SNX29: variants seen among roughly 807,000 people sequenced by gnomAD.
SNX29 encodes the protein sorting nexin 29, also known as sorting nexin-29.
Under a neutral mutation model 102.1 loss-of-function variants are expected in SNX29, and 78 were observed. That is an observed-to-expected ratio of 0.76 (90% confidence interval 0.64 to 0.92). SNX29 has a LOEUF of 0.92. Among genes scored for constraint, SNX29 ranks in the 40% least tolerant of loss-of-function variants. SNX29 has a pLI of 0.00. For synonymous variants in SNX29, 580 were observed against 414.5 expected (o/e 1.40, Z -4.85); for missense variants, 1,280 against 1,061.7 (o/e 1.21, Z -2.86).
intron 20 of SNX29, among the ~76,000 whole-genome samples, chr16:12,525,881 A>T (rs1266409589): frequency 6.6e-6 from 1 of 152,066 alleles, no homozygotes; most frequent in East Asian, 1.9e-4. Flanking sequence ...CATTGCTGGG[A>T]AACGTCAGGC....
chr16:12,087,578 C>T (rs561104230), intron 11 of SNX29: 2 of 332,504 alleles, frequency 6.0e-6, no homozygotes, highest in African/African-American at 2.1e-5. Context: ...GCCTGGGCAA[C>T]AGAGCAAGAC....
chr16:12,537,517 A>C (rs1057461658), intron 20 of SNX29, among the ~76,000 whole-genome samples: 1 of 152,180 alleles, frequency 6.6e-6, no homozygotes, highest in African/African-American at 2.4e-5. Flanking sequence ...GCTTGTTGGG[A>C]GGATTAAAGG....
chr16:12,148,451 G>A (rs1481793050), intron 13 of SNX29, among the ~76,000 whole-genome samples: 1 of 144,178 alleles, frequency 6.9e-6, no homozygotes, highest in Non-Finnish European at 1.6e-5. Context: ...AGTTTGTTAG[G>A]GAGTTGACGT....
intron 20 of SNX29, chr16:12,557,689 G>A (rs568784086): frequency 5.3e-5 from 8 of 152,336 alleles, no homozygotes; most frequent in African/African-American, 1.9e-4. Flanking sequence ...GAGTGGCAGT[G>A]CAGTAGGCTC....
chr16:12,078,416 A>G (rs1181749725), intron 10 of SNX29, among the ~76,000 whole-genome samples: 1 of 152,198 alleles, frequency 6.6e-6, no homozygotes, highest in East Asian at 1.9e-4. Context: ...TGGAGGTTAC[A>G]GTGAGCCGAG....
chr16:12,050,431 C>A (rs1161629109), intron 7 of SNX29, among the ~76,000 whole-genome samples: 1 of 152,204 alleles, frequency 6.6e-6, no homozygotes, highest in Non-Finnish European at 1.5e-5. Flanking sequence ...AAAACCACTG[C>A]AGTTCGTTAC....
At chr16:11,990,981 G>A (rs2055826161) in intron 1 of SNX29, among the ~76,000 whole-genome samples, 1 of 152,234 alleles carries the variant, frequency 6.6e-6, no homozygotes, top group Non-Finnish European at 1.5e-5. Context: ...CAGTGGCAGA[G>A]TTGGGTAGTG....
At chr16:11,982,650 C>G (rs561309461) in intron 1 of SNX29, among the ~76,000 whole-genome samples, 1 of 151,950 alleles carries the variant, frequency 6.6e-6, no homozygotes, top group Non-Finnish European at 1.5e-5. Context: ...AGGACGGTCT[C>G]GATCTCCTGA....
intron 5 of SNX29, among the ~76,000 whole-genome samples, chr16:12,044,239 C>T (rs1366895001): frequency 1.3e-5 from 2 of 152,298 alleles, no homozygotes; most frequent in Non-Finnish European, 2.9e-5. Flanking sequence ...AGTAGTGTGG[C>T]ATGTTCCCTT....
intron 19 of SNX29, among the ~76,000 whole-genome samples, chr16:12,514,244 C>G (rs1241025757): frequency 6.6e-6 from 1 of 152,222 alleles, no homozygotes; most frequent in Non-Finnish European, 1.5e-5. Flanking sequence ...TTCTCACTCT[C>G]TGGCTTAAAA....
intron 20 of SNX29, among the ~76,000 whole-genome samples, chr16:12,540,255 C>G (rs569976481): frequency 6.6e-6 from 1 of 152,114 alleles, no homozygotes; most frequent in African/African-American, 2.4e-5. Flanking sequence ...CCACCCCCAG[C>G]GTAAGGTCAA....
chr16:12,184,837 G>A (rs184801204), intron 13 of SNX29, among the ~76,000 whole-genome samples: 2 of 152,324 alleles, frequency 1.3e-5, no homozygotes, highest in East Asian at 1.9e-4. Flanking sequence ...GACAGCTTGA[G>A]GGAGTCTTGT....
intron 11 of SNX29, among the ~76,000 whole-genome samples, chr16:12,092,088 C>G (rs913477923): frequency 2.0e-5 from 3 of 152,186 alleles, no homozygotes; most frequent in Non-Finnish European, 4.4e-5. Flanking sequence ...TCCCATCCCC[C>G]CAAGTGCAGC....
At chr16:12,140,306 G>C (rs191639324) in intron 13 of SNX29, among the ~76,000 whole-genome samples, 68 of 152,360 alleles carry the variant, frequency 4.5e-4, no homozygotes, top group African/African-American at 1.6e-3. Flanking sequence ...AACAATGCCA[G>C]TGGGAGGAGA....
chr16:12,468,201 G>T (rs2087157881), intron 18 of SNX29, among the ~76,000 whole-genome samples: 2 of 66,964 alleles, frequency 3.0e-5, no homozygotes, highest in Admixed American at 1.5e-4. Context: ...TTTTTAGGGG[G>T]AGTTTTACTG....
chr16:12,141,754 C>T (rs748567587), intron 13 of SNX29, among the ~76,000 whole-genome samples: 14 of 152,172 alleles, frequency 9.2e-5, no homozygotes, highest in Non-Finnish European at 1.6e-4. Flanking sequence ...GCAGTGAGGA[C>T]GACCAGAGGT....
At chr16:12,532,231 C>G (rs1012054753) in intron 20 of SNX29, among the ~76,000 whole-genome samples, 5 of 152,186 alleles carry the variant, frequency 3.3e-5, no homozygotes, top group Non-Finnish European at 5.9e-5. Flanking sequence ...AAATTGTGTA[C>G]TTTCTGTGAG....
intron 13 of SNX29, among the ~76,000 whole-genome samples, chr16:12,194,333 T>G (rs1173438677): frequency 6.6e-6 from 1 of 152,236 alleles, no homozygotes; most frequent in Non-Finnish European, 1.5e-5. Flanking sequence ...CATTTGACCC[T>G]GTGTTCTGTG....
intron 3 of SNX29, among the ~76,000 whole-genome samples, chr16:12,003,522 T>G (rs1169567316): frequency 6.6e-6 from 1 of 152,196 alleles, no homozygotes; most frequent in East Asian, 1.9e-4. Context: ...AAGGCATATG[T>G]TATAACAAGA....
Sources: gnomAD v4.1 joint callset for allele counts (sites outside exome capture counted in the v4.1 genomes callset) on GRCh38, gnomAD v4.1.1 for gene constraint, MANE v1.5 for transcripts, NCBI Gene and HGNC (gene_info 2026-07-23, HGNC 2026-07-21) for gene names.